Variants in LAMTOR5 observed in about 807,000 individuals in gnomAD.
LAMTOR5 encodes late endosomal/lysosomal adaptor, MAPK and MTOR activator 5.
In LAMTOR5, 8 loss-of-function variants were observed where a neutral mutation model predicts 12.1. The ratio of observed to expected loss-of-function variants is 0.66; its 90% CI spans 0.39 to 1.19. The LOEUF (loss-of-function observed/expected upper bound fraction) is 1.19, where lower values mean the gene tolerates loss of function less well. LAMTOR5 is among the 50% of genes most tolerant of loss of function. The pLI, the probability that LAMTOR5 is intolerant of heterozygous loss-of-function variation, is 0.01. For synonymous variants in LAMTOR5, 37 were observed against 41.9 expected (o/e 0.88, Z 0.45); for missense variants, 110 against 112.8 (o/e 0.97, Z 0.11).
Position 110,407,665 on chromosome 1 carries a change from G to A in LAMTOR5, c.-45C>T, listed in dbSNP as rs372876161. The A allele has an allele frequency of 4.3e-6, 7 of 1,614,076 alleles. No individual in the cohort carries two copies. Among genetic ancestry groups the A allele is most frequent in the Non-Finnish European group, 5.9e-6 (7 of 1,180,040 alleles). ...GGCTCAGAACCCAGCGGCACGGCAC[G>A]TCCTTCTCCACCACAGGCCTCAGTC... On this transcript the variant is annotated 5_prime_UTR_variant, in exon 1 of 4. The change creates a new upstream start codon in the 5' untranslated region. Coordinates refer to ENST00000602318, the MANE Select transcript of LAMTOR5 (RefSeq NM_001382293.1).
Position 110,406,406 on chromosome 1 carries a change from A to AGAGAG in LAMTOR5, c.36-28_36-27insCTCTC, listed in dbSNP as rs1330124912. The AGAGAG allele has an allele frequency of 2.2e-5, 34 of 1,553,316 alleles. 1 individual carries two copies. Among genetic ancestry groups the AGAGAG allele is most frequent in the Middle Eastern group, 3.3e-4 (2 of 5,976 alleles). On this transcript the variant is annotated intron_variant, in intron 1 of 3. Coordinates refer to ENST00000602318, the MANE Select transcript of LAMTOR5 (RefSeq NM_001382293.1). The stretch of plus-strand genomic sequence containing the variant: ...TAATTCCAGGAACACAAGAGAGTTG[A>AGAGAG]AGTACATAATGGGAGAAAAAGGATT...
chr1:110,401,676 A>T, intron 3 of LAMTOR5, 93 bp from the exon 4 acceptor site: 1 of 1,297,394 alleles, frequency 7.7e-7, no homozygotes, highest in Non-Finnish European at 1.1e-6. Context: ...TACAATATTT[A>T]AAATAATGTA....
rs376832733 is a variant in LAMTOR5, at chr1:110,407,659, C to A, written c.-39G>T. ...CACTCCGGCTCAGAACCCAGCGGCA[C>A]GGCACGTCCTTCTCCACCACAGGCC... On this transcript the variant is annotated 5_prime_UTR_variant, in exon 1 of 4. Transcript: ENST00000602318. 3 of 1,614,194 alleles carry A rather than the reference C, an allele frequency of 1.9e-6. No individual in the cohort carries two copies. Among genetic ancestry groups the A allele is most frequent in the South Asian group, 2.2e-5 (2 of 91,088 alleles).
intron 3 of LAMTOR5, chr1:110,403,624 A>C (rs1003159854): frequency 8.7e-6 from 2 of 230,992 alleles, no homozygotes; most frequent in Non-Finnish European, 1.7e-5. Context: ...AAAAGAAAAA[A>C]AAAAAAAGTA....
chr1:110,407,253 TC>T lies in LAMTOR5; in HGVS notation c.35+332del. ...GCTCGACACTGCACAACTGGCACAA[TC>T]TTCCCAAAAGTCAACCCGTTTTCTA... On this transcript the variant is annotated intron_variant, in intron 1 of 3. Transcript: ENST00000602318. The T allele has an allele frequency of 1.2e-5, 7 of 578,404 alleles. No individual in the cohort carries two copies. The South Asian group carries it at 1.6e-4, about 13-fold the overall frequency. 35.8% of individuals were successfully genotyped at this position (578,404 alleles called of 1,614,324 possible).
Position 110,404,034 on chromosome 1 carries a change from G to T in LAMTOR5, c.100C>A (p.Arg34Ser). The change falls in exon 3 of 4, where the codon CGC becomes AGC. Residue 34 changes from arginine to serine, a missense_variant and splice_region_variant. By Grantham distance (110) the Arg-to-Ser change is moderately radical (BLOSUM62 -1). Coordinates refer to ENST00000602318, the MANE Select transcript of LAMTOR5 (RefSeq NM_001382293.1). ...GCATGCTCATCTGACAGGGTCCCGCGGCCTGGAAAATAGAGATGATATATG... is the reference window on the plus strand; with the variant it reads ...GCATGCTCATCTGACAGGGTCCCGCTGCCTGGAAAATAGAGATGATATATG... Reference protein sequence around the residue: ...TDSQGLNLGCRGTLSDEHAGV... With the variant: ...TDSQGLNLGCSGTLSDEHAGV... 1 of 1,613,580 alleles carries T rather than the reference G, an allele frequency of 6.2e-7. No individual in the cohort carries two copies. Among genetic ancestry groups the T allele is most frequent in the African/African-American group, 1.3e-5 (1 of 74,972 alleles).
Position 110,406,311 on chromosome 1 carries a change from T to A in LAMTOR5, c.97+7A>T, listed in dbSNP as rs753316984. 8.8e-6 allele frequency: 14 copies of A among 1,587,482 alleles called. No individual in the cohort carries two copies. The highest frequency in any genetic ancestry group is 1.7e-6 in the Non-Finnish European group (2 of 1,162,304). ...TTCATCAAATAGTTGGTATGAGAGA[T>A]ACTTACAACCCAGATTAAGTCCTTG... On this transcript the variant is annotated splice_region_variant and intron_variant, in intron 2 of 3. Transcript: ENST00000602318.
At chr1:110,406,670 C>CA in intron 1 of LAMTOR5, 1 of 282,792 alleles carries the variant, frequency 3.5e-6, no homozygotes, top group Non-Finnish European at 6.7e-6. Context: ...ACTAAAAATA[C>CA]AAAATTAGCC....
At chr1:110,404,098 C>T (rs1471368535) in intron 2 of LAMTOR5, 62 bp from the exon 3 acceptor site, 2 of 1,589,984 alleles carry the variant, frequency 1.3e-6, no homozygotes, top group East Asian at 2.3e-5. Context: ...CTAAAATAAG[C>T]TAGCTGGCTG....
At chr1:110,401,780 T>TAA (rs1663235522) in intron 3 of LAMTOR5, among the ~76,000 whole-genome samples, 197 bp from the exon 4 acceptor site, 1 of 152,194 alleles carries the variant, frequency 6.6e-6, no homozygotes, top group African/African-American at 2.4e-5. Flanking sequence ...GAATCCTTAA[T>TAA]CCTACTACAC....
intron 1 of LAMTOR5, 152 bp downstream of exon 1, chr1:110,407,433 CT>C: frequency 1.0e-6 from 1 of 976,292 alleles, no homozygotes; most frequent in Non-Finnish European, 1.5e-6. Context: ...GCCCTGCGGC[CT>C]TGGGTAGAGT....
rs140594819 is a variant in LAMTOR5 at position 110,407,679 on chromosome 1, C to G, written c.-59G>C. 19 of 1,614,254 alleles carry G rather than the reference C, an allele frequency of 1.2e-5. No individual in the cohort carries two copies. The South Asian group carries it at 2.0e-4, about 17-fold the overall frequency. On this transcript the variant is annotated 5_prime_UTR_variant, in exon 1 of 4. Coordinates refer to ENST00000602318, the MANE Select transcript of LAMTOR5 (RefSeq NM_001382293.1). Reference sequence around the variant, plus strand: ...CGGCACGGCACGTCCTTCTCCACCACAGGCCTCAGTCACTTGACGCGAGCG... The same window carrying G: ...CGGCACGGCACGTCCTTCTCCACCAGAGGCCTCAGTCACTTGACGCGAGCG...
intron 2 of LAMTOR5, among the ~76,000 whole-genome samples, chr1:110,405,305 C>A (rs1202544757): frequency 1.3e-4 from 19 of 151,844 alleles, no homozygotes; most frequent in Admixed American, 1.2e-3. Flanking sequence ...GGATTACTAG[C>A]ACCTGCTACC....
At chr1:110,403,805 T>C in intron 3 of LAMTOR5, 114 bp downstream of exon 3, 19 of 1,468,908 alleles carry the variant, frequency 1.3e-5, no homozygotes, top group Non-Finnish European at 1.7e-5. Flanking sequence ...GATTAAGAAC[T>C]TTTCCCAAAG....
At chr1:110,406,906 A>AAGTACTGCTG (rs1663341963) in intron 1 of LAMTOR5, 1 of 465,806 alleles carries the variant, frequency 2.1e-6, no homozygotes, top group Non-Finnish European at 3.8e-6. Context: ...AAAATGTGCT[A>AAGTACTGCTG]AGTACTGCTG....
intron 1 of LAMTOR5, chr1:110,407,290 A>G (rs1175832839): frequency 1.7e-6 from 1 of 579,498 alleles, no homozygotes. Context: ...AAACTTCCGC[A>G]GAACCACCCT....
intron 2 of LAMTOR5, among the ~76,000 whole-genome samples, chr1:110,405,810 G>A (rs1570670877): frequency 1.3e-5 from 2 of 152,242 alleles, no homozygotes; most frequent in Middle Eastern, 3.4e-3. Flanking sequence ...TTTGGTCCAC[G>A]TTCACACTAC....
At chr1:110,405,518 G>A (rs1663310330) in intron 2 of LAMTOR5, among the ~76,000 whole-genome samples, 1 of 151,554 alleles carries the variant, frequency 6.6e-6, no homozygotes, top group African/African-American at 2.4e-5. Flanking sequence ...AAATAGAGAT[G>A]GGGGGTCTCA....
In LAMTOR5 at chr1:110,407,593, C is replaced by T. The variant is rs962263961; in HGVS notation, c.28G>A (p.Glu10Lys). ...GAGGCGCGCACTACTCACGTGTCTTCCAAGTGCTGCTCCAAGGTCGCCTCC... is the reference window on the plus strand; with the variant it reads ...GAGGCGCGCACTACTCACGTGTCTTTCAAGTGCTGCTCCAAGGTCGCCTCC... MEATLEQHL[E>K]DTMKNPSIVG... The change falls in exon 1 of 4, where the codon GAA (glutamate) becomes AAA (lysine). Residue 10 changes from glutamate to lysine, a missense_variant. Physicochemically the swap from Glu to Lys is moderately conservative, Grantham distance 56. Coordinates refer to ENST00000602318, the MANE Select transcript of LAMTOR5 (RefSeq NM_001382293.1). 9.9e-6 allele frequency: 16 copies of T among 1,614,116 alleles called. No homozygotes were observed. The highest frequency in any genetic ancestry group is 2.2e-5 in the East Asian group (1 of 44,876).
Sources: gnomAD v4.1 joint callset for allele counts (sites outside exome capture counted in the v4.1 genomes callset) on GRCh38, gnomAD v4.1.1 for gene constraint, MANE v1.5 for transcripts, NCBI Gene and HGNC (gene_info 2026-07-23, HGNC 2026-07-21) for gene names.